The following PHF8 variants were observed in gnomAD, a reference collection of about 807,000 sequenced individuals.
The protein encoded by PHF8 is histone lysine demethylase PHF8.
In PHF8, 9 loss-of-function variants were observed where a neutral mutation model predicts 74.4. The ratio of observed to expected loss-of-function variants is 0.12; its 90% CI spans 0.07 to 0.21. The LOEUF is 0.21. PHF8 is among the 10% of genes least tolerant of loss of function. The probability of loss-of-function intolerance (pLI) is 1.00; values close to 1 mark genes in which losing one functional copy is unlikely to be tolerated. For missense variants in PHF8, 478 were observed against 816.6 expected (o/e 0.59, Z 5.05); for synonymous variants, 311 against 316.6 (o/e 0.98, Z 0.19).
intron 18 of PHF8, among the ~76,000 whole-genome samples, chrX:53,980,491 T>C (rs2065463269): frequency 9.0e-6 from 1 of 111,343 alleles, no homozygotes; most frequent in Admixed American, 9.6e-5. Flanking sequence ...AGCACCTTGA[T>C]CTTCAACTTT....
chrX:53,980,151 G>A (rs1557097542), intron 18 of PHF8, among the ~76,000 whole-genome samples: 2 of 111,298 alleles, frequency 1.8e-5, no homozygotes, highest in East Asian at 5.6e-4. Context: ...TAATAAAACT[G>A]GAAGCTAGAG....
At position 53,985,225 on chromosome X, in the gene PHF8, T is replaced by G. The variant is rs781837094; in HGVS notation, c.2132A>C (p.Glu711Ala). The G allele has an allele frequency of 2.5e-6, 3 of 1,190,554 alleles. No homozygotes were observed. In the East Asian group the frequency reaches 9.1e-5, roughly 36 times the overall value. ...VGGPDYAALT[E>A]APASPSTQEA... is the part of the protein sequence containing the mutation. ...CTGAGTGCTGGGAGAAGCTGGGGCC[T>G]CGCTGCAAGGAACAGAGGAGAAATA... Residue 711 changes from glutamate (E) to alanine (A), a missense_variant and splice_region_variant, in exon 18 of 22, where the codon GAG becomes GCG. Coordinates refer to ENST00000338154, the MANE Select transcript of PHF8 (RefSeq NM_015107.3).
chrX:54,015,591 A>C (rs2066052924), intron 6 of PHF8, among the ~76,000 whole-genome samples: 2 of 107,601 alleles, frequency 1.9e-5, no homozygotes, highest in Non-Finnish European at 3.8e-5. Flanking sequence ...AAAAAAAAAA[A>C]AAAAAACACA....
chrX:54,018,453 C>CTTTT (rs781948184), intron 4 of PHF8, among the ~76,000 whole-genome samples: 6 of 76,695 alleles, frequency 7.8e-5, no homozygotes, highest in Non-Finnish European at 2.6e-5. Flanking sequence ...GAGTCCCTGT[C>CTTTT]TTTTTTTTTT....
chrX:53,991,653 C>T (rs2065662738), intron 14 of PHF8, among the ~76,000 whole-genome samples: 1 of 78,533 alleles, frequency 1.3e-5, no homozygotes, highest in African/African-American at 5.4e-5. Context: ...CAGAGTGAGA[C>T]TCTGTCTCAA....
rs2065842734 is a variant in PHF8, at chrX:54,002,576, C to T, written c.1034+19G>A. ...GACAGGAATGGCCAACATAGAATCACCACAGTTTCAGTACTCACTTGAGCT... is the reference window on the plus strand; with the variant it reads ...GACAGGAATGGCCAACATAGAATCATCACAGTTTCAGTACTCACTTGAGCT... On this transcript the variant is annotated intron_variant, in intron 9 of 21. Transcript: ENST00000338154. The T allele has an allele frequency of 1.9e-6, 2 of 1,073,691 alleles. No homozygotes were observed. The highest frequency in any genetic ancestry group is 2.6e-6 in the Non-Finnish European group (2 of 769,641). 88.5% of individuals were successfully genotyped at this position (1,073,691 alleles called of 1,213,427 possible). A position where few individuals can be genotyped will look rare whatever the true frequency, so the allele number is the denominator to read the frequency against.
intron 18 of PHF8, among the ~76,000 whole-genome samples, chrX:53,977,386 A>G (rs1361215328): frequency 8.9e-6 from 1 of 112,354 alleles, no homozygotes; most frequent in Non-Finnish European, 1.9e-5. Flanking sequence ...AATCCTTAAC[A>G]AGAAATCTTA....
intron 2 of PHF8, among the ~76,000 whole-genome samples, chrX:54,034,072 C>G (rs943873334): frequency 9.0e-6 from 1 of 111,303 alleles, no homozygotes; most frequent in African/African-American, 3.3e-5. Flanking sequence ...AATTCAACAG[C>G]AGAATGGAGA....
At chrX:53,985,559 C>A (rs2065550078) in intron 17 of PHF8, among the ~76,000 whole-genome samples, 1 of 111,502 alleles carries the variant, frequency 9.0e-6, no homozygotes, top group African/African-American at 3.3e-5. Flanking sequence ...CTTGACTCTT[C>A]CAGCCCCTCT....
chrX:54,041,110 T>C lies in PHF8; in HGVS notation c.98+1521A>G, dbSNP rs782194469. 2.8e-3 allele frequency among the ~76,000 whole-genome samples: 318 copies of C among 111,601 alleles called. 3 individuals carry two copies. The highest frequency in any genetic ancestry group is 9.7e-3 in the African/African-American group (298 of 30,717). On this transcript the variant is annotated intron_variant, in intron 2 of 21. Transcript: ENST00000338154. ...AACAGAAATAGCTTGCTGGGCATAGTGGCTCATGCCTGTAATCCTAGCACT... is the reference window on the plus strand; with the variant it reads ...AACAGAAATAGCTTGCTGGGCATAGCGGCTCATGCCTGTAATCCTAGCACT...
upstream of PHF8, among the ~76,000 whole-genome samples, chrX:54,046,498 G>A (rs2066635082): frequency 9.2e-6 from 1 of 108,840 alleles, no homozygotes; most frequent in African/African-American, 3.3e-5. Flanking sequence ...CAGGAGAATC[G>A]CTTGAACACG....
rs782181061 is a variant in PHF8, at chrX:54,030,829, A to G, written c.99-7986T>C. On this transcript the variant is annotated intron_variant, in intron 2 of 21. Transcript: ENST00000338154. ...ATCTCACCTCTGCCACTCACTAGCT[A>G]TGTGAACTTAAGCAATTTATACTTC... Among the ~76,000 whole-genome samples the G allele has an allele frequency of 1.1e-3, 123 of 112,263 alleles. 1 individual carries two copies. Among genetic ancestry groups the G allele is most frequent in the African/African-American group, 3.8e-3 (118 of 30,968 alleles).
chrX:53,987,945 C>G lies in PHF8; in HGVS notation c.1731-1G>C, dbSNP rs797044651. ...GGATAAACTCTTCACCCTTTTCGTACTGAAGGGAAGGAGAACATAAAAACA... is the reference window on the plus strand; with the variant it reads ...GGATAAACTCTTCACCCTTTTCGTAGTGAAGGGAAGGAGAACATAAAAACA... On this transcript the variant is annotated splice_acceptor_variant, in intron 14 of 21. Transcript: ENST00000338154. LOFTEE classifies it high-confidence loss of function. 2 of 1,197,785 alleles carry G rather than the reference C, an allele frequency of 1.7e-6. No individual in the cohort carries two copies. Among genetic ancestry groups the G allele is most frequent in the Non-Finnish European group, 2.3e-6 (2 of 885,697 alleles).
At chrX:53,959,431 T>A (rs782741728) in intron 19 of PHF8, among the ~76,000 whole-genome samples, 1 of 111,561 alleles carries the variant, frequency 9.0e-6, no homozygotes, top group Non-Finnish European at 1.9e-5. Context: ...CCATTTAGTG[T>A]GGTGAATAAC....
intron 18 of PHF8, among the ~76,000 whole-genome samples, chrX:53,969,218 G>C (rs782458232): frequency 9.0e-6 from 1 of 110,979 alleles, no homozygotes; most frequent in African/African-American, 3.3e-5. Flanking sequence ...CTGGGTGACA[G>C]AACGAGACTC....
At chrX:53,965,602 G>A in intron 18 of PHF8, among the ~76,000 whole-genome samples, 1 of 112,369 alleles carries the variant, frequency 8.9e-6, no homozygotes, top group East Asian at 2.8e-4. Flanking sequence ...TTGTGCCACT[G>A]TACTCCTGCC....
At position 53,936,808 on chromosome X, in the gene PHF8, C is replaced by A. The variant is rs1557081782; in HGVS notation, c.*2350G>T. On this transcript the variant is annotated 3_prime_UTR_variant, in exon 22 of 22. Transcript: ENST00000338154. ...ACAGAGAAGTCTGAATGATGCTACC[C>A]TAACCTATTTATAAAAAGGCCCTGC... is the stretch of plus-strand genomic sequence containing the variant. 8.9e-6 allele frequency: 1 copy of A among 112,071 alleles called. No individual in the cohort carries two copies. Among genetic ancestry groups the A allele is most frequent in the African/African-American group, 3.3e-5 (1 of 30,728 alleles). 9.2% of individuals were successfully genotyped at this position (112,071 alleles called of 1,213,427 possible).
intron 10 of PHF8, among the ~76,000 whole-genome samples, chrX:54,000,240 A>G (rs2065807990): frequency 8.9e-6 from 1 of 112,087 alleles, no homozygotes. Flanking sequence ...GTCAAGACCC[A>G]GGGCACACAC....
intron 18 of PHF8, among the ~76,000 whole-genome samples, chrX:53,976,438 A>G (rs1014104854): frequency 3.6e-5 from 4 of 111,740 alleles, no homozygotes; most frequent in Admixed American, 1.9e-4. Flanking sequence ...TCTTAACTAC[A>G]TTAAGAGTGG....
Sources: allele counts gnomAD v4.1 joint callset (sites outside exome capture counted in the v4.1 genomes callset), GRCh38; gene constraint gnomAD v4.1.1; transcripts MANE v1.5; gene names NCBI Gene and HGNC (gene_info 2026-07-23, HGNC 2026-07-21).